LUC7L2: variants seen among roughly 807,000 people sequenced by gnomAD.
LUC7L2 encodes putative RNA-binding protein Luc7-like 2.
In LUC7L2, 25 loss-of-function variants were observed where a neutral mutation model predicts 52.8. That is an observed-to-expected ratio of 0.47 (90% CI 0.34 to 0.66). LUC7L2 has a LOEUF of 0.66. LUC7L2 is among the 30% of genes least tolerant of loss of function. The pLI is 0.01. For synonymous variants in LUC7L2, 144 were observed against 160.9 expected, an observed-to-expected ratio of 0.89 and a Z score of 0.80; for missense variants, 328 against 497.8, an observed-to-expected ratio of 0.66 and a Z score of 3.25.
intron 9 of LUC7L2, among the ~76,000 whole-genome samples, chr7:139,421,877 T>G (rs1012995180): frequency 2.0e-5 from 3 of 152,232 alleles, no homozygotes; most frequent in Non-Finnish European, 2.9e-5. Flanking sequence ...TTAAAATACC[T>G]TTTATGAATT....
upstream of LUC7L2, among the ~76,000 whole-genome samples, chr7:139,355,048 A>G (rs1481141852): frequency 1.3e-5 from 2 of 151,998 alleles, no homozygotes; most frequent in African/African-American, 4.8e-5. Flanking sequence ...TTTTGTAGAG[A>G]CAGGGTTTCT....
rs111490359 is a variant in LUC7L2, at chr7:139,415,068, T to G, written c.810-2470T>G. ...TGCCCTGCTAAGTTTTTTTTTTTTT[T>G]TTTTTTTTTTTTTTTGTATTTTTAG... is the stretch of plus-strand genomic sequence containing the variant. On this transcript the variant is annotated intron_variant, in intron 8 of 9. Coordinates refer to ENST00000354926, the MANE Select transcript of LUC7L2 (RefSeq NM_016019.5). 8.5e-4 allele frequency among the ~76,000 whole-genome samples: 77 copies of G among 90,262 alleles called. 1 individual carries two copies. Among genetic ancestry groups the G allele is most frequent in the South Asian group, 2.0e-3 (6 of 2,974 alleles). The allele number at this position is 90,262 out of a possible 152,430, so 59.2% of individuals were successfully genotyped here.
chr7:139,408,475 TA>T (rs960910086), intron 6 of LUC7L2, among the ~76,000 whole-genome samples: 4 of 152,160 alleles, frequency 2.6e-5, no homozygotes, highest in African/African-American at 9.7e-5. Flanking sequence ...GATGTTTTTT[TA>T]AAAAATACAA....
chr7:139,416,218 C>T (rs1159287190), intron 8 of LUC7L2: 1 of 151,264 alleles, frequency 6.6e-6, no homozygotes, highest in Non-Finnish European at 1.5e-5. Flanking sequence ...CTTTGTTTCC[C>T]CTTGTTTTCT....
intron 2 of LUC7L2, among the ~76,000 whole-genome samples, chr7:139,382,280 C>G (rs564049503): frequency 6.6e-6 from 1 of 152,236 alleles, no homozygotes; most frequent in South Asian, 2.1e-4. Context: ...CTGCCTAAGC[C>G]TCCCAAAAAG....
chr7:139,378,527 A>G (rs1275618525), intron 2 of LUC7L2, among the ~76,000 whole-genome samples: 2 of 152,134 alleles, frequency 1.3e-5, no homozygotes, highest in African/African-American at 2.4e-5. Flanking sequence ...GTGAGCTGTG[A>G]TCACACCAGT....
At chr7:139,421,247 T>C (rs937197416) in intron 9 of LUC7L2, among the ~76,000 whole-genome samples, 1 of 152,264 alleles carries the variant, frequency 6.6e-6, no homozygotes, top group African/African-American at 2.4e-5. Context: ...GTATTACTTA[T>C]TCAGGTTCTT....
intron 2 of LUC7L2, among the ~76,000 whole-genome samples, chr7:139,380,311 C>T (rs28754644): frequency 0.39 from 58,574 of 151,820 alleles, 15,761 homozygotes; most frequent in African/African-American, 0.77. Flanking sequence ...CAAAAGCTTG[C>T]GGCTAGGCTC....
intron 1 of LUC7L2, chr7:139,341,275 AG>A: frequency 1.3e-6 from 2 of 1,484,326 alleles, no homozygotes; most frequent in Non-Finnish European, 1.8e-6. Context: ...GTCAGTCGAT[AG>A]GGGGAGTCGG....
At chr7:139,400,867 A>T (rs1794881662) in intron 3 of LUC7L2, among the ~76,000 whole-genome samples, 1 of 152,272 alleles carries the variant, frequency 6.6e-6, no homozygotes, top group African/African-American at 2.4e-5. Context: ...GTTATCACAG[A>T]TAAAAGCTGT....
chr7:139,372,390 C>T (rs1800496878), intron 1 of LUC7L2, among the ~76,000 whole-genome samples: 1 of 152,168 alleles, frequency 6.6e-6, no homozygotes, highest in African/African-American at 2.4e-5. Context: ...GGTTTACTTA[C>T]TGTTCCCCCA....
chr7:139,376,227 A>T, intron 2 of LUC7L2, 71 bp downstream of exon 2: 1 of 1,490,920 alleles, frequency 6.7e-7, no homozygotes. Context: ...TAAAGTCTTA[A>T]TTCTGTGTCA....
chr7:139,414,710 C>T (rs1487707021), intron 8 of LUC7L2, among the ~76,000 whole-genome samples: 1 of 152,188 alleles, frequency 6.6e-6, no homozygotes, highest in East Asian at 1.9e-4. Context: ...TTTCCCACCT[C>T]AGGGACTTTG....
intron 1 of LUC7L2, among the ~76,000 whole-genome samples, chr7:139,361,280 G>A (rs1281241357): frequency 1.3e-5 from 2 of 152,280 alleles, no homozygotes; most frequent in East Asian, 1.9e-4. Flanking sequence ...AAAATCCTTG[G>A]TAGTTTTTAT....
chr7:139,407,000 G>GTT lies in LUC7L2; in HGVS notation c.511-174_511-173insTT, dbSNP rs779013466. ...CATAACAAAATAGCCATGCTTTTGTGGTTTTTTTTTTTTTTTTTTTTTGAG... is the reference window on the plus strand; with the variant it reads ...CATAACAAAATAGCCATGCTTTTGTGTTGTTTTTTTTTTTTTTTTTTTTTGAG... On this transcript the variant is annotated intron_variant, in intron 5 of 9. Coordinates refer to ENST00000354926, the MANE Select transcript of LUC7L2 (RefSeq NM_016019.5). Among the ~76,000 whole-genome samples, 89 of 111,620 alleles carry GTT rather than the reference G, an allele frequency of 8.0e-4. 2 individuals are homozygous for GTT. Among genetic ancestry groups the GTT allele is most frequent in the East Asian group, 1.3e-3 (5 of 3,814 alleles). 73.2% of individuals were successfully genotyped at this position (111,620 alleles called of 152,430 possible).
At position 139,407,134 on chromosome 7, in the gene LUC7L2, T is replaced by G. The variant is rs377311076; in HGVS notation, c.511-40T>G. 1.7e-5 allele frequency: 27 copies of G among 1,560,100 alleles called. No homozygotes were observed. In the African/African-American group the frequency reaches 3.3e-4, roughly 19 times the overall value. Reference sequence around the variant, plus strand: ...TTTTATTTAATTGTATGACTTTTAGTGAGATTTATATGGTCATTGTTTTTC... The same window carrying G: ...TTTTATTTAATTGTATGACTTTTAGGGAGATTTATATGGTCATTGTTTTTC... On this transcript the variant is annotated intron_variant, in intron 5 of 9. Transcript: ENST00000354926.
intron 6 of LUC7L2, 88 bp from the exon 7 acceptor site, chr7:139,409,475 A>T (rs1317573247): frequency 1.0e-5 from 15 of 1,475,818 alleles, no homozygotes; most frequent in African/African-American, 1.4e-5. Flanking sequence ...GTTGTACTGT[A>T]TTAGAAACCA....
intron 2 of LUC7L2, among the ~76,000 whole-genome samples, chr7:139,384,764 G>A (rs1017664112): frequency 6.6e-6 from 1 of 151,934 alleles, no homozygotes; most frequent in African/African-American, 2.4e-5. Context: ...TTTTTTAAGA[G>A]TTGGGGGTCT....
In LUC7L2 at chr7:139,401,277, A is replaced by G. The variant is rs903996262; in HGVS notation, c.256-860A>G. Among the ~76,000 whole-genome samples the G allele has an allele frequency of 3.9e-5, 6 of 152,150 alleles. No homozygotes were observed. In the East Asian group the frequency reaches 9.6e-4, roughly 24 times the overall value. On this transcript the variant is annotated intron_variant, in intron 3 of 9. Transcript: ENST00000354926. Reference sequence around the variant, plus strand: ...AGAAAAAAGGGTAAAAATGTTCGGAAATACTTACTGTTAGCATTTTGTATA... The same window carrying G: ...AGAAAAAAGGGTAAAAATGTTCGGAGATACTTACTGTTAGCATTTTGTATA...
Sources: allele counts gnomAD v4.1 joint callset (sites outside exome capture counted in the v4.1 genomes callset), GRCh38; gene constraint gnomAD v4.1.1; transcripts MANE v1.5; gene names NCBI Gene and HGNC (gene_info 2026-07-23, HGNC 2026-07-21).